NCOA6: variants seen among roughly 807,000 people sequenced by gnomAD.
NCOA6 encodes NRC RAP250.
In NCOA6, 49 loss-of-function variants were observed where a neutral mutation model predicts 171.4. That is an observed-to-expected ratio of 0.29 (90% CI 0.23 to 0.36). NCOA6 has a LOEUF of 0.36. Among genes scored for constraint, NCOA6 ranks in the 10% least tolerant of loss-of-function variants. The pLI, the probability that NCOA6 is intolerant of heterozygous loss-of-function variation, is 1.00. For missense variants in NCOA6, 2,248 were observed against 2,554.5 expected (o/e 0.88, Z 2.59); for synonymous variants, 910 against 927.5 (o/e 0.98, Z 0.34).
At chr20:34,768,136 T>C (rs964178550) in intron 5 of NCOA6, among the ~76,000 whole-genome samples, 5 of 152,204 alleles carry the variant, frequency 3.3e-5, no homozygotes, top group African/African-American at 4.8e-5. Context: ...ACATTCTCCA[T>C]TGTACTATTA....
At chr20:34,751,626 T>C (rs1044197199) in intron 8 of NCOA6, among the ~76,000 whole-genome samples, 2 of 152,006 alleles carry the variant, frequency 1.3e-5, no homozygotes, top group African/African-American at 2.4e-5. Context: ...ACTGACTAGA[T>C]GACCCATCTG....
At chr20:34,724,411 G>T (rs1222273082) in intron 14 of NCOA6, among the ~76,000 whole-genome samples, 2 of 152,214 alleles carry the variant, frequency 1.3e-5, no homozygotes, top group Admixed American at 6.5e-5. Flanking sequence ...TGAGTCCTCA[G>T]ATCCGTGTCT....
rs151177309 is a variant in NCOA6 at position 34,791,291 on chromosome 20, C to T, written c.-50+1159G>A. Among the ~76,000 whole-genome samples, 22 of 152,154 alleles carry T rather than the reference C, an allele frequency of 1.4e-4. 1 individual carries two copies. The highest frequency in any genetic ancestry group is 3.1e-4 in the Non-Finnish European group (21 of 68,030). On this transcript the variant is annotated intron_variant, in intron 2 of 14. Transcript: ENST00000359003. ...ACATGCTTTTAGAAAAGTATTTTCC[C>T]TAGGTAATTTTTCTTGTATCTTTTT...
chr20:34,788,458 G>A (rs1010913627), intron 2 of NCOA6, among the ~76,000 whole-genome samples: 9 of 152,134 alleles, frequency 5.9e-5, no homozygotes, highest in Admixed American at 6.6e-5. Flanking sequence ...TCATTGCCAC[G>A]GAGAGGGGTG....
chr20:34,722,873 T>C (rs937458248), intron 14 of NCOA6, among the ~76,000 whole-genome samples: 34 of 151,842 alleles, frequency 2.2e-4, no homozygotes, highest in Middle Eastern at 3.4e-3. Flanking sequence ...GGAATGGTGG[T>C]GCAAGCCTCT....
chr20:34,727,976 C>T (rs1044175965), intron 13 of NCOA6, among the ~76,000 whole-genome samples: 1 of 152,172 alleles, frequency 6.6e-6, no homozygotes, highest in African/African-American at 2.4e-5. Context: ...CCACCCACCT[C>T]GGCCTCCCAA....
At chr20:34,806,674 T>C (rs933550063) in intron 1 of NCOA6, among the ~76,000 whole-genome samples, 3 of 152,208 alleles carry the variant, frequency 2.0e-5, no homozygotes, top group Non-Finnish European at 2.9e-5. Flanking sequence ...TTTTTATCAA[T>C]GTATGTTTTG....
intron 1 of NCOA6, among the ~76,000 whole-genome samples, chr20:34,822,437 T>C (rs1327776121): frequency 6.6e-6 from 1 of 152,214 alleles, no homozygotes; most frequent in African/African-American, 2.4e-5. Context: ...TCCATTTCAC[T>C]GGCAAATTCC....
At chr20:34,801,257 G>C (rs1023082696) in intron 1 of NCOA6, among the ~76,000 whole-genome samples, 1 of 151,898 alleles carries the variant, frequency 6.6e-6, no homozygotes, top group African/African-American at 2.4e-5. Context: ...TAAAAAAGTA[G>C]AAAAATTTCA....
chr20:34,781,148 C>T (rs918318404), intron 3 of NCOA6, among the ~76,000 whole-genome samples: 2 of 152,084 alleles, frequency 1.3e-5, no homozygotes, highest in Admixed American at 1.3e-4. Flanking sequence ...CTAAATAACG[C>T]ATAACTATGG....
Position 34,740,995 on chromosome 20 carries a change from A to G in NCOA6, c.5261T>C (p.Val1754Ala). 6.2e-7 allele frequency: 1 copy of G among 1,614,208 alleles called. No homozygotes were observed. The highest frequency in any genetic ancestry group is 1.1e-5 in the South Asian group (1 of 91,082). ...PSPPCTSSPV[V>A]PSHPPVQQVK... ...TTGCTGCACAGGGGGATGAGAAGGGACAACTGGAGAAGACGTACAAGGAGG... is the reference window on the plus strand; with the variant it reads ...TTGCTGCACAGGGGGATGAGAAGGGGCAACTGGAGAAGACGTACAAGGAGG... The change falls in exon 11 of 15, where the codon GTC (valine) becomes GCC (alanine). Residue 1754 changes from valine (V) to alanine (A), a missense_variant. Physicochemically the swap from Val to Ala is moderately conservative, Grantham distance 64 (BLOSUM62 0). Coordinates refer to ENST00000359003, the MANE Select transcript of NCOA6 (RefSeq NM_014071.5).
At chr20:34,800,998 A>G (rs571845842) in intron 1 of NCOA6, among the ~76,000 whole-genome samples, 25 of 152,320 alleles carry the variant, frequency 1.6e-4, no homozygotes, top group African/African-American at 5.8e-4. Context: ...TTTAATTGAA[A>G]TAACATCAAG....
At chr20:34,750,833 G>A (rs2076453999) in intron 8 of NCOA6, among the ~76,000 whole-genome samples, 1 of 152,110 alleles carries the variant, frequency 6.6e-6, no homozygotes, top group Non-Finnish European at 1.5e-5. Flanking sequence ...AATGAGAAAG[G>A]CAGCATCTCA....
At chr20:34,817,134 AAAAAGC>A (rs1449831251) in intron 1 of NCOA6, among the ~76,000 whole-genome samples, 1 of 126,290 alleles carries the variant, frequency 7.9e-6, no homozygotes, top group Non-Finnish European at 1.8e-5. Flanking sequence ...CACACACACA[AAAAAGC>A]AAAAGCAAAA....
Position 34,817,208 on chromosome 20 carries a change from T to A in NCOA6, c.-164+8264A>T, listed in dbSNP as rs1440783986. Among the ~76,000 whole-genome samples, 15 of 67,978 alleles carry A rather than the reference T, an allele frequency of 2.2e-4. 4 individuals are homozygous for A. Among genetic ancestry groups the A allele is most frequent in the South Asian group, 5.0e-4 (1 of 1,984 alleles). 44.6% of individuals were successfully genotyped at this position (67,978 alleles called of 152,430 possible). On this transcript the variant is annotated intron_variant, in intron 1 of 14. Transcript: ENST00000359003. ...GAACTGATATTCAACAGATTCAATA[T>A]CAGTAAAGGAGCTGATTAATGGGAA...
At chr20:34,779,437 C>T (rs953940010) in intron 3 of NCOA6, among the ~76,000 whole-genome samples, 2 of 152,138 alleles carry the variant, frequency 1.3e-5, no homozygotes, top group Non-Finnish European at 2.9e-5. Flanking sequence ...TTGCTTGAGC[C>T]TGGGAGATCA....
In NCOA6 at chr20:34,746,901, C is replaced by T. The variant is rs994180225; in HGVS notation, c.2820G>A (p.Leu940=). ...GCAACGGTGGCTGATCAGCCTCTTCCAGACCAGCTGGGCGAGTATCTGGGG... is the reference window on the plus strand; with the variant it reads ...GCAACGGTGGCTGATCAGCCTCTTCTAGACCAGCTGGGCGAGTATCTGGGG... ...LNTPDTRPAG[L]EEADQPPLPG... The change falls in exon 10 of 15, where the codon CTG becomes CTA. Residue 940 remains leucine, a synonymous_variant. Transcript: ENST00000359003. 5.1e-6 allele frequency: 8 copies of T among 1,582,556 alleles called. No individual in the cohort carries two copies. Among genetic ancestry groups the T allele is most frequent in the Middle Eastern group, 1.8e-4 (1 of 5,688 alleles).
At position 34,811,212 on chromosome 20, in the gene NCOA6, T is replaced by TATATATATATATATATATAC. The variant is rs1337885737; in HGVS notation, c.-164+14259_-164+14260insGTATATATATATATATATAT. ...AACAACAACAACGTGTATATATATA[T>TATATATATATATATATATAC]ATATATATATATATATATATATATG... On this transcript the variant is annotated intron_variant, in intron 1 of 14. Coordinates refer to ENST00000359003, the MANE Select transcript of NCOA6 (RefSeq NM_014071.5). Among the ~76,000 whole-genome samples, 14 of 128,384 alleles carry TATATATATATATATATATAC rather than the reference T, an allele frequency of 1.1e-4. 1 individual carries two copies. The highest frequency in any genetic ancestry group is 2.2e-4 in the Non-Finnish European group (13 of 60,150). The allele number at this position is 128,384 out of a possible 152,430, so 84.2% of individuals were successfully genotyped here. A position where few individuals can be genotyped will look rare whatever the true frequency, so the allele number is the denominator to read the frequency against.
chr20:34,812,552 C>G (rs62211617), intron 1 of NCOA6, among the ~76,000 whole-genome samples: 23,280 of 151,928 alleles, frequency 0.15, 1,948 homozygotes, highest in South Asian at 0.3. Flanking sequence ...CTTGAGATTT[C>G]CAAAACCACT....
Sources: allele counts gnomAD v4.1 joint callset (sites outside exome capture counted in the v4.1 genomes callset), GRCh38; gene constraint gnomAD v4.1.1; transcripts MANE v1.5; gene names NCBI Gene and HGNC (gene_info 2026-07-23, HGNC 2026-07-21).